Variants in SLC18A1 observed in about 807,000 individuals in gnomAD.
The protein encoded by SLC18A1 is chromaffin granule amine transporter.
Under a neutral mutation model 53.7 loss-of-function variants are expected in SLC18A1, and 69 were observed. The observed-to-expected ratio is 1.28, with a 90% CI of 1.06 to 1.57. The LOEUF (loss-of-function observed/expected upper bound fraction) is 1.57, where lower values mean the gene tolerates loss of function less well. Among genes scored for constraint, SLC18A1 ranks in the 40% most tolerant of loss-of-function variants. The probability of loss-of-function intolerance (pLI) is 0.00; values close to 1 mark genes in which losing one functional copy is unlikely to be tolerated. For missense variants in SLC18A1, 932 were observed against 668.1 expected, an observed-to-expected ratio of 1.40 and a Z score of -4.35; for synonymous variants, 320 against 248.1, an observed-to-expected ratio of 1.29 and a Z score of -2.72.
At chr8:20,165,188 AT>A (rs2071927183) in intron 8 of SLC18A1, 81 bp from the exon 9 acceptor site, 1 of 1,244,908 alleles carries the variant, frequency 8.0e-7, no homozygotes, top group Non-Finnish European at 1.2e-6. Flanking sequence ...AGAAAGTACA[AT>A]TATGGGCTTA....
chr8:20,152,898 G>T (rs1187811978), intron 10 of SLC18A1, among the ~76,000 whole-genome samples: 1 of 152,166 alleles, frequency 6.6e-6, no homozygotes, highest in Non-Finnish European at 1.5e-5. Flanking sequence ...TAATTAAAGA[G>T]AAGACTGGGA....
intron 4 of SLC18A1, 115 bp downstream of exon 4, chr8:20,178,320 C>A (rs2072303307): frequency 2.6e-6 from 2 of 756,560 alleles, no homozygotes; most frequent in Non-Finnish European, 4.3e-6. Context: ...ATATTCCAGT[C>A]TGCTTAGTCA....
chr8:20,152,866 C>T (rs1409290851), intron 10 of SLC18A1, among the ~76,000 whole-genome samples: 1 of 152,066 alleles, frequency 6.6e-6, no homozygotes, highest in African/African-American at 2.4e-5. Context: ...GGCCTTTGAT[C>T]AGGGCTGGGA....
intron 11 of SLC18A1, 37 bp from the exon 12 acceptor site, chr8:20,149,764 G>A: frequency 6.2e-7 from 1 of 1,605,140 alleles, no homozygotes; most frequent in South Asian, 1.1e-5. Flanking sequence ...ACCACTAGGG[G>A]AGAGCTCCCC....
At chr8:20,170,949 A>T (rs532095427) in intron 8 of SLC18A1, among the ~76,000 whole-genome samples, 154 bp downstream of exon 8, 1 of 152,340 alleles carries the variant, frequency 6.6e-6, no homozygotes, top group East Asian at 1.9e-4. Flanking sequence ...ACACTACCTG[A>T]AACGTAACCC....
At chr8:20,165,154 T>A in intron 8 of SLC18A1, 47 bp from the exon 9 acceptor site, 1 of 1,482,004 alleles carries the variant, frequency 6.7e-7, no homozygotes, top group Non-Finnish European at 9.4e-7. Flanking sequence ...AGTGCATACA[T>A]CTCTCCTATT....
Position 20,147,253 on chromosome 8 carries a change from C to G in SLC18A1, c.1464+5G>C. 6.3e-7 allele frequency: 1 copy of G among 1,593,992 alleles called. No individual in the cohort carries two copies. The highest frequency in any genetic ancestry group is 1.7e-4 in the Middle Eastern group (1 of 5,868). ...ATTTCTCTTTTAACAGTCGGTGCTC[C>G]TTACAAGCTTCTCTTCCTTTGCCGG... On this transcript the variant is annotated splice_donor_5th_base_variant and intron_variant, in intron 15 of 15. Coordinates refer to ENST00000276373, the MANE Select transcript of SLC18A1 (RefSeq NM_003053.4).
At chr8:20,146,579 A>G (rs1245659051) in intron 15 of SLC18A1, among the ~76,000 whole-genome samples, 1 of 152,104 alleles carries the variant, frequency 6.6e-6, no homozygotes, top group African/African-American at 2.4e-5. Flanking sequence ...AGAAAATCCT[A>G]TGGTATGGAT....
At position 20,180,878 on chromosome 8, in the gene SLC18A1, G is replaced by A. The variant is rs200230684; in HGVS notation, c.87C>T (p.Val29=). The A allele has an allele frequency of 2.5e-6, 4 of 1,613,846 alleles. No homozygotes were observed. Among genetic ancestry groups the A allele is most frequent in the East Asian group, 2.2e-5 (1 of 44,872 alleles). Residue 29 remains valine (V), a synonymous_variant, in exon 2 of 16, where the codon GTC becomes GTT. Coordinates refer to ENST00000276373, the MANE Select transcript of SLC18A1 (RefSeq NM_003053.4). ...ACAGCATGTTGTCCAGGAGCAAAGC[G>A]ACGAATACCACCACCAGCACCAGCT... is the stretch of plus-strand genomic sequence containing the variant. ...SRQLVLVVVF[V]ALLLDNMLFT... is the part of the protein sequence containing the mutation.
chr8:20,173,055 GC>G lies in SLC18A1; in HGVS notation c.704del (p.Gly235AlafsTer15). 2 of 1,589,786 alleles carry G rather than the reference GC, an allele frequency of 1.3e-6. No homozygotes were observed. The highest frequency in any genetic ancestry group is 1.8e-5 in the Admixed American group (1 of 56,690). ...ACTTACCCAGCAACCCCAAGGCCAG[GC>G]CCCCCAGAGCAGTTCCCATGGCTCG... ...RGRAMGTALGGLALGLLVGAP... is the reference protein window; with the variant it reads ...RGRAMGTALGXLALGLLVGAP... On this transcript the variant is annotated frameshift_variant, in exon 6 of 16. Transcript: ENST00000276373. LOFTEE classifies it high-confidence loss of function.
intron 8 of SLC18A1, among the ~76,000 whole-genome samples, chr8:20,168,535 T>A (rs2072030760): frequency 6.6e-6 from 1 of 152,100 alleles, no homozygotes; most frequent in African/African-American, 2.4e-5. Context: ...TATAAATATA[T>A]ACATATAAAG....
intron 6 of SLC18A1, among the ~76,000 whole-genome samples, 181 bp downstream of exon 6, chr8:20,172,853 TTA>T: frequency 6.6e-6 from 1 of 152,326 alleles, no homozygotes; most frequent in East Asian, 1.9e-4. Flanking sequence ...TCTCCGACGT[TTA>T]TGTGTTTCCC....
chr8:20,165,214 T>TAAAGGAGATACTGTAG, intron 8 of SLC18A1, 107 bp from the exon 9 acceptor site: 1 of 976,686 alleles, frequency 1.0e-6, no homozygotes, highest in Non-Finnish European at 1.6e-6. Context: ...CCATCTACAG[T>TAAAGGAGATACTGTAG]ATCTCCTTTA....
intron 2 of SLC18A1, 132 bp downstream of exon 2, chr8:20,180,709 C>A (rs543883590): frequency 2.6e-6 from 3 of 1,159,996 alleles, no homozygotes; most frequent in African/African-American, 1.5e-5. Flanking sequence ...CAGTCCCCAA[C>A]AACCTCTGTG....
At chr8:20,151,853 C>A (rs1221662821) in intron 10 of SLC18A1, among the ~76,000 whole-genome samples, 1 of 152,150 alleles carries the variant, frequency 6.6e-6, no homozygotes, top group African/African-American at 2.4e-5. Context: ...GTCAGGTATT[C>A]TGGGGGCTGG....
chr8:20,172,017 G>C (rs2072135103), intron 6 of SLC18A1, among the ~76,000 whole-genome samples: 1 of 152,252 alleles, frequency 6.6e-6, no homozygotes, highest in African/African-American at 2.4e-5. Context: ...TGTATATGCA[G>C]ATGAGTCATG....
At chr8:20,165,868 G>A (rs1053317816) in intron 8 of SLC18A1, among the ~76,000 whole-genome samples, 51 of 152,052 alleles carry the variant, frequency 3.4e-4, no homozygotes, top group African/African-American at 1.2e-3. Flanking sequence ...CTCTCTTCCA[G>A]ACATCCTGAA....
At chr8:20,150,914 C>A in intron 10 of SLC18A1, 170 bp from the exon 11 acceptor site, 1 of 615,680 alleles carries the variant, frequency 1.6e-6, no homozygotes, top group South Asian at 1.9e-5. Context: ...CCATAGGACC[C>A]CCACACCTCT....
At chr8:20,146,082 A>AT (rs1264279566) in intron 15 of SLC18A1, among the ~76,000 whole-genome samples, 3 of 151,858 alleles carry the variant, frequency 2.0e-5, no homozygotes, top group Non-Finnish European at 4.4e-5. Flanking sequence ...CGCCAGGCTA[A>AT]TTTTTTGTAT....
Sources: allele counts gnomAD v4.1 joint callset (sites outside exome capture counted in the v4.1 genomes callset), GRCh38; gene constraint gnomAD v4.1.1; transcripts MANE v1.5; gene names NCBI Gene and HGNC (gene_info 2026-07-23, HGNC 2026-07-21).